The following SUCLG2 variants were observed in gnomAD, a reference collection of about 807,000 sequenced individuals.
SUCLG2 encodes succinate-CoA ligase GDP-forming subunit beta, also known as succinate--CoA ligase [GDP-forming] subunit beta, mitochondrial.
In SUCLG2, 42 loss-of-function variants were observed where a neutral mutation model predicts 47.9. The observed-to-expected ratio is 0.88, with a 90% CI of 0.69 to 1.14. The LOEUF (loss-of-function observed/expected upper bound fraction) is 1.14. Ranked by LOEUF, SUCLG2 falls within the 50% of genes most tolerant of loss-of-function variation. The pLI is 0.00. For synonymous variants in SUCLG2, 195 were observed against 197.3 expected, an observed-to-expected ratio of 0.99 and a Z score of 0.10; for missense variants, 571 against 525.9, an observed-to-expected ratio of 1.09 and a Z score of -0.84.
chr3:67,521,982 A>G (rs1706121268), intron 4 of SUCLG2, among the ~76,000 whole-genome samples: 1 of 151,990 alleles, frequency 6.6e-6, no homozygotes, highest in African/African-American at 2.4e-5. Flanking sequence ...CTTCATTGTG[A>G]TTACATGGTA....
intron 10 of SUCLG2, among the ~76,000 whole-genome samples, chr3:67,393,403 G>T (rs184805542): frequency 6.6e-6 from 1 of 152,316 alleles, no homozygotes; most frequent in East Asian, 1.9e-4. Flanking sequence ...CTACGCCCAC[G>T]GAGTCTCACT....
intron 9 of SUCLG2, among the ~76,000 whole-genome samples, chr3:67,491,882 G>C (rs1475531962): frequency 6.6e-6 from 1 of 152,172 alleles, no homozygotes; most frequent in African/African-American, 2.4e-5. Context: ...TCTGAGGTAA[G>C]TACTGCTATT....
At chr3:67,373,651 T>C (rs370682834), downstream of SUCLG2, among the ~76,000 whole-genome samples, 2 of 152,178 alleles carry the variant, frequency 1.3e-5, no homozygotes, top group Non-Finnish European at 2.9e-5. Context: ...ACTGGAGTCA[T>C]ATTCAATTTT....
At chr3:67,555,193 C>T (rs1181869662) in intron 2 of SUCLG2, among the ~76,000 whole-genome samples, 1 of 151,904 alleles carries the variant, frequency 6.6e-6, no homozygotes, top group Non-Finnish European at 1.5e-5. Context: ...AGGTAGGAGG[C>T]TAGAAAGAAC....
intron 2 of SUCLG2, among the ~76,000 whole-genome samples, chr3:67,595,246 T>A (rs546372953): frequency 6.6e-6 from 1 of 152,256 alleles, no homozygotes; most frequent in Non-Finnish European, 1.5e-5. Context: ...AGGCAGTGAA[T>A]CGTGAAAGTA....
At chr3:67,507,442 C>T (rs1420352715) in intron 7 of SUCLG2, among the ~76,000 whole-genome samples, 1 of 151,694 alleles carries the variant, frequency 6.6e-6, no homozygotes, top group African/African-American at 2.4e-5. Context: ...TCTGACACTG[C>T]ATGCATACTC....
Position 67,387,932 on chromosome 3 carries a change from TA to T in SUCLG2, c.1184-12074del, listed in dbSNP as rs549945358. On this transcript the variant is annotated intron_variant, in intron 10 of 10. Transcript: ENST00000307227. ...GCATTAAGGAGGATCAAGAGAGATG[TA>T]AAAAAAAATGTCAGCTACTAGATGG... Among the ~76,000 whole-genome samples the T allele has an allele frequency of 1.9e-3, 281 of 150,582 alleles. 1 individual carries two copies. Among genetic ancestry groups the T allele is most frequent in the African/African-American group, 6.2e-3 (256 of 41,024 alleles).
chr3:67,460,527 CAG>C (rs1704306175), intron 9 of SUCLG2, among the ~76,000 whole-genome samples: 1 of 152,138 alleles, frequency 6.6e-6, no homozygotes, highest in African/African-American at 2.4e-5. Context: ...AGGAGGGAAA[CAG>C]AACTGCAATT....
intron 2 of SUCLG2, among the ~76,000 whole-genome samples, chr3:67,535,956 C>T (rs1706529950): frequency 6.6e-6 from 1 of 152,228 alleles, no homozygotes; most frequent in South Asian, 2.1e-4. Context: ...ATAGCTATAA[C>T]ATCTGACAGC....
intron 10 of SUCLG2, among the ~76,000 whole-genome samples, chr3:67,361,374 G>C (rs1204622033): frequency 6.6e-6 from 1 of 152,196 alleles, no homozygotes; most frequent in Non-Finnish European, 1.5e-5. Context: ...TAAATACAAA[G>C]TCTAGCAGCA....
At chr3:67,403,153 T>C (rs1194873282) in intron 9 of SUCLG2, among the ~76,000 whole-genome samples, 1 of 152,180 alleles carries the variant, frequency 6.6e-6, no homozygotes, top group Non-Finnish European at 1.5e-5. Flanking sequence ...TTAACTACTT[T>C]AGTTGGTGCT....
intron 9 of SUCLG2, among the ~76,000 whole-genome samples, chr3:67,416,462 A>C (rs1033086830): frequency 2.0e-5 from 3 of 152,200 alleles, no homozygotes; most frequent in Non-Finnish European, 4.4e-5. Context: ...AAAAAATCCC[A>C]CTATAATAAT....
intron 2 of SUCLG2, among the ~76,000 whole-genome samples, chr3:67,542,165 T>A (rs962545250): frequency 1.3e-5 from 2 of 152,104 alleles, no homozygotes; most frequent in African/African-American, 4.8e-5. Flanking sequence ...TGAGCCACCA[T>A]GCCCGGCCCT....
intron 9 of SUCLG2, among the ~76,000 whole-genome samples, chr3:67,484,762 G>A (rs1178489829): frequency 1.3e-5 from 2 of 152,084 alleles, no homozygotes; most frequent in Non-Finnish European, 2.9e-5. Context: ...AAGGAGATAG[G>A]CACAAATTAT....
At chr3:67,594,927 T>C (rs1197604118) in intron 2 of SUCLG2, among the ~76,000 whole-genome samples, 1 of 152,212 alleles carries the variant, frequency 6.6e-6, no homozygotes, top group Non-Finnish European at 1.5e-5. Flanking sequence ...AGATTTTTAG[T>C]TGTATCAGTC....
chr3:67,578,479 G>C (rs938904789), intron 2 of SUCLG2, among the ~76,000 whole-genome samples: 1 of 151,996 alleles, frequency 6.6e-6, no homozygotes, highest in Non-Finnish European at 1.5e-5. Context: ...GAAAGCAAAA[G>C]CATGTGAAAA....
chr3:67,654,457 GGCCGGC>G, intron 1 of SUCLG2, 40 bp downstream of exon 1: 3 of 1,217,764 alleles, frequency 2.5e-6, no homozygotes, highest in Non-Finnish European at 3.1e-6. Flanking sequence ...AGCCCGGGCA[GGCCGGC>G]GCCGCTGCTG....
chr3:67,494,105 T>C (rs1421046197), intron 9 of SUCLG2, among the ~76,000 whole-genome samples: 1 of 152,176 alleles, frequency 6.6e-6, no homozygotes, highest in Non-Finnish European at 1.5e-5. Context: ...CAGACAAGTG[T>C]ACTACCAATA....
downstream of SUCLG2, among the ~76,000 whole-genome samples, chr3:67,370,929 T>A (rs1240664284): frequency 2.0e-5 from 3 of 152,234 alleles, no homozygotes; most frequent in African/African-American, 7.2e-5. Flanking sequence ...TGCTTTTTAA[T>A]ACAAGGTCCT....
Sources: allele counts gnomAD v4.1 joint callset (sites outside exome capture counted in the v4.1 genomes callset), GRCh38; gene constraint gnomAD v4.1.1; transcripts MANE v1.5; gene names NCBI Gene and HGNC (gene_info 2026-07-23, HGNC 2026-07-21).